JADE3: variants seen among roughly 807,000 people sequenced by gnomAD.
JADE3 encodes the protein protein Jade-3.
In JADE3, 2 loss-of-function variants were observed where a neutral mutation model predicts 50.1. The observed-to-expected ratio is 0.04, with a 90% CI of 0.02 to 0.13. The LOEUF (loss-of-function observed/expected upper bound fraction) is 0.13. Ranked by LOEUF, JADE3 falls within the 10% of genes least tolerant of loss-of-function variation. The pLI is 1.00. For missense variants in JADE3, 475 were observed against 634.4 expected (o/e 0.75, Z 2.70); for synonymous variants, 218 against 232.9 (o/e 0.94, Z 0.58).
chrX:47,059,074 G>T lies in JADE3; in HGVS notation c.2469G>T (p.Arg823Ser). 3 of 1,175,877 alleles carry T rather than the reference G, an allele frequency of 2.6e-6. No individual in the cohort carries two copies. The highest frequency in any genetic ancestry group is 1.9e-5 in the South Asian group (1 of 52,312). The change falls in exon 11 of 11, where the codon AGG becomes AGT. Residue 823 changes from arginine to serine, a missense_variant. Physicochemically the swap from Arg to Ser is moderately radical, Grantham distance 110. This residue lies in a region of JADE3 where 243 missense variants were observed against 238.2 expected (regional missense o/e 1.02). Coordinates refer to ENST00000614628, the MANE Select transcript of JADE3 (RefSeq NM_014735.5). ...THPLSHSSMQ[R>S] is the part of the protein sequence containing the mutation. ...CCCTTTCCCACAGTTCAATGCAAAGGTGATTAGAAACTTCCAAGGATGACC... is the reference window on the plus strand; with the variant it reads ...CCCTTTCCCACAGTTCAATGCAAAGTTGATTAGAAACTTCCAAGGATGACC...
At chrX:47,053,351 C>T (rs992563685) in intron 8 of JADE3, among the ~76,000 whole-genome samples, 2 of 108,964 alleles carry the variant, frequency 1.8e-5, no homozygotes, top group Non-Finnish European at 3.8e-5. Context: ...TTGGACCTCC[C>T]GGGTTCAGGC....
chrX:46,941,149 T>C (rs1926744217), intron 1 of JADE3, among the ~76,000 whole-genome samples: 1 of 110,328 alleles, frequency 9.1e-6, no homozygotes, highest in South Asian at 3.9e-4. Flanking sequence ...GTTTAGCTCC[T>C]GCTTATAGAC....
At chrX:47,025,497 T>A (rs1247142161) in intron 5 of JADE3, among the ~76,000 whole-genome samples, 5 of 112,229 alleles carry the variant, frequency 4.5e-5, no homozygotes, top group African/African-American at 1.6e-4. Flanking sequence ...GTTCTAGAGT[T>A]GTCATACAAT....
intron 1 of JADE3, among the ~76,000 whole-genome samples, chrX:46,966,728 G>T: frequency 9.0e-6 from 1 of 111,615 alleles, no homozygotes; most frequent in Non-Finnish European, 1.9e-5. Flanking sequence ...TGAGGAGTTT[G>T]CAAGAGAAGG....
chrX:47,037,301 G>T (rs1301147847), intron 7 of JADE3, among the ~76,000 whole-genome samples: 1 of 111,350 alleles, frequency 9.0e-6, no homozygotes, highest in African/African-American at 3.3e-5. Flanking sequence ...TCATTACACG[G>T]ATGTGCTGTT....
At chrX:46,934,533 C>T (rs964290284) in intron 1 of JADE3, among the ~76,000 whole-genome samples, 2 of 111,158 alleles carry the variant, frequency 1.8e-5, no homozygotes, top group African/African-American at 3.3e-5. Flanking sequence ...CTCCTGACCT[C>T]GTGATCTGCC....
Position 46,938,036 on chromosome X carries a change from T to G in JADE3, c.-12+25317T>G, listed in dbSNP as rs62591302. Reference sequence around the variant, plus strand: ...TTAATCAGTGTTTGCATCACATATCTTTTTCCATCCTTTTGCTTTTCACTT... The same window carrying G: ...TTAATCAGTGTTTGCATCACATATCGTTTTCCATCCTTTTGCTTTTCACTT... On this transcript the variant is annotated intron_variant, in intron 1 of 10. Coordinates refer to ENST00000614628, the MANE Select transcript of JADE3 (RefSeq NM_014735.5). Among the ~76,000 whole-genome samples the G allele has an allele frequency of 6.2e-3, 688 of 111,728 alleles. 4 individuals carry two copies. The highest frequency in any genetic ancestry group is 0.014 in the Middle Eastern group (3 of 216).
chrX:46,980,279 T>A (rs1376589867), intron 1 of JADE3, among the ~76,000 whole-genome samples: 2 of 111,684 alleles, frequency 1.8e-5, no homozygotes, highest in Non-Finnish European at 3.8e-5. Flanking sequence ...GATATGTGTT[T>A]TATAATAAAT....
chrX:46,969,254 A>G (rs782448027), intron 1 of JADE3, among the ~76,000 whole-genome samples: 1 of 108,050 alleles, frequency 9.3e-6, no homozygotes, highest in South Asian at 4.0e-4. Context: ...CCTCTCTACT[A>G]AAAATACAAA....
At chrX:47,028,842 A>G (rs1486753091) in intron 6 of JADE3, among the ~76,000 whole-genome samples, 1 of 111,306 alleles carries the variant, frequency 9.0e-6, no homozygotes. Context: ...ACACTGTCCT[A>G]TCTCCCATGT....
rs782454949 is a variant in JADE3 at position 46,956,033 on chromosome X, CCT to C, written c.-11-28850_-11-28849del. Among the ~76,000 whole-genome samples, 621 of 111,927 alleles carry C rather than the reference CCT, an allele frequency of 5.5e-3. 2 individuals are homozygous for C. The highest frequency in any genetic ancestry group is 9.0e-3 in the Non-Finnish European group (478 of 53,138). On this transcript the variant is annotated intron_variant, in intron 1 of 10. Coordinates refer to ENST00000614628, the MANE Select transcript of JADE3 (RefSeq NM_014735.5). ...TATCTATTTTCCTACTTCCCATTCC[CCT>C]TTCTCCCACCCGTGGCCTTTTTTTG... is the stretch of plus-strand genomic sequence containing the variant.
At chrX:46,988,457 A>G (rs1171878330) in intron 3 of JADE3, among the ~76,000 whole-genome samples, 1 of 111,627 alleles carries the variant, frequency 9.0e-6, no homozygotes, top group African/African-American at 3.3e-5. Flanking sequence ...TATGCATTGG[A>G]CATATTATGT....
intron 1 of JADE3, among the ~76,000 whole-genome samples, chrX:46,932,119 G>A (rs1926510789): frequency 8.9e-6 from 1 of 112,309 alleles, no homozygotes; most frequent in Admixed American, 9.4e-5. Flanking sequence ...CAAAGACTTA[G>A]TTACAAAATA....
intron 8 of JADE3, among the ~76,000 whole-genome samples, chrX:47,049,275 C>T (rs1295205515): frequency 9.7e-6 from 1 of 102,732 alleles, no homozygotes; most frequent in Non-Finnish European, 2.0e-5. Context: ...GCAACCTCCA[C>T]CTCCCAGGTT....
chrX:47,058,330 T>C lies in JADE3; in HGVS notation c.1725T>C (p.Ser575=), dbSNP rs144241933. Residue 575 remains serine, a synonymous_variant, in exon 11 of 11, where the codon AGT becomes AGC. Transcript: ENST00000614628. ...CTGACAGCAGCTCATCTGTTCACAG[T>C]ATAAGGAACATGCAGGTGCCTCAGG... ...HSPDSSSSVH[S]IRNMQVPQES... is the part of the protein sequence containing the mutation. The C allele has an allele frequency of 2.1e-4, 248 of 1,208,302 alleles. No individual in the cohort carries two copies. Among genetic ancestry groups the C allele is most frequent in the Non-Finnish European group, 2.6e-4 (229 of 894,801 alleles).
chrX:47,056,152 A>G lies in JADE3; in HGVS notation c.1514A>G (p.Gln505Arg). The change falls in exon 10 of 11, where the codon CAG becomes CGG. Residue 505 changes from glutamine to arginine, a missense_variant. Gln to Arg is a conservative substitution (Grantham distance 43). Around this residue, in one of 6 missense-constraint regions of JADE3, gnomAD observed 243 missense variants for 238.2 expected, o/e 1.02. Coordinates refer to ENST00000614628, the MANE Select transcript of JADE3 (RefSeq NM_014735.5). ...CTGTCACACAACAAAATACAGGAACAGATCTTCGGTTTGCAAGTCCAGCTT... is the reference window on the plus strand; with the variant it reads ...CTGTCACACAACAAAATACAGGAACGGATCTTCGGTTTGCAAGTCCAGCTT... Reference protein sequence around the residue: ...LKLSHNKIQEQIFGLQVQLLN... With the variant: ...LKLSHNKIQERIFGLQVQLLN... 1 of 1,205,613 alleles carries G rather than the reference A, an allele frequency of 8.3e-7. No individual in the cohort carries two copies. The highest frequency in any genetic ancestry group is 1.8e-5 in the South Asian group (1 of 56,628).
chrX:46,947,297 G>A (rs782182818), intron 1 of JADE3, among the ~76,000 whole-genome samples: 14 of 111,671 alleles, frequency 1.3e-4, no homozygotes, highest in Non-Finnish European at 2.4e-4. Flanking sequence ...GGGATTACAG[G>A]CATGAGCCAC....
intron 1 of JADE3, among the ~76,000 whole-genome samples, chrX:46,964,257 C>T (rs899392791): frequency 2.7e-5 from 3 of 111,897 alleles, no homozygotes; most frequent in Non-Finnish European, 3.8e-5. Context: ...CTCTTCTCCT[C>T]GGGAGGTAGG....
chrX:46,966,448 G>A (rs1927370624), intron 1 of JADE3, among the ~76,000 whole-genome samples: 1 of 110,999 alleles, frequency 9.0e-6, no homozygotes, highest in African/African-American at 3.3e-5. Context: ...TAAGCATGTG[G>A]GTAGGGCACT....
Sources: allele counts gnomAD v4.1 joint callset (sites outside exome capture counted in the v4.1 genomes callset), GRCh38; gene constraint gnomAD v4.1.1; regional missense constraint gnomAD v4.1.1; transcripts MANE v1.5; gene names NCBI Gene and HGNC (gene_info 2026-07-23, HGNC 2026-07-21).